Variants in THSD7A observed in about 807,000 individuals in gnomAD.
The protein encoded by THSD7A is thrombospondin type-1 domain-containing protein 7A.
Under a neutral mutation model 231.3 loss-of-function variants are expected in THSD7A, and 96 were observed. That is an observed-to-expected ratio of 0.41 (90% CI 0.35 to 0.49). The LOEUF (loss-of-function observed/expected upper bound fraction) is 0.49, where lower values mean the gene tolerates loss of function less well. Among genes scored for constraint, THSD7A ranks in the 20% least tolerant of loss-of-function variants. The pLI, the probability that THSD7A is intolerant of heterozygous loss-of-function variation, is 0.05. For synonymous variants in THSD7A, 940 were observed against 743.3 expected, an observed-to-expected ratio of 1.26 and a Z score of -4.30; for missense variants, 2,290 against 2,070.2, an observed-to-expected ratio of 1.11 and a Z score of -2.06.
intron 1 of THSD7A, among the ~76,000 whole-genome samples, chr7:11,748,776 A>G (rs536049447): frequency 6.6e-6 from 1 of 152,114 alleles, no homozygotes; most frequent in South Asian, 2.1e-4. Context: ...TATAAAATGA[A>G]ATAGGGCAAT....
At chr7:11,767,179 T>G (rs1405326) in intron 1 of THSD7A, among the ~76,000 whole-genome samples, 2 of 151,956 alleles carry the variant, frequency 1.3e-5, no homozygotes, top group South Asian at 2.1e-4. Flanking sequence ...TGTACATTCA[T>G]TGTTTTTTGG....
intron 23 of THSD7A, among the ~76,000 whole-genome samples, 187 bp downstream of exon 23, chr7:11,401,608 G>A (rs895960540): frequency 6.6e-6 from 1 of 151,972 alleles, no homozygotes. Flanking sequence ...TTTGGGTTTG[G>A]CCATGTTGGC....
intron 6 of THSD7A, among the ~76,000 whole-genome samples, chr7:11,521,384 C>T (rs1422915307): frequency 2.0e-5 from 3 of 151,930 alleles, no homozygotes; most frequent in Non-Finnish European, 1.5e-5. Context: ...TGCTAATTGG[C>T]CACTGTGATT....
At chr7:11,445,033 T>C (rs1433392983) in intron 13 of THSD7A, among the ~76,000 whole-genome samples, 11 of 151,572 alleles carry the variant, frequency 7.3e-5, no homozygotes, top group Non-Finnish European at 1.6e-4. Flanking sequence ...TACACTTTGA[T>C]AGTTTATAAA....
At chr7:11,472,982 A>T (rs1785998681) in intron 8 of THSD7A, among the ~76,000 whole-genome samples, 1 of 152,176 alleles carries the variant, frequency 6.6e-6, no homozygotes. Context: ...TTTGAATTTT[A>T]ATACACTGTA....
At chr7:11,567,334 C>A (rs1041744050) in intron 4 of THSD7A, among the ~76,000 whole-genome samples, 21 of 151,966 alleles carry the variant, frequency 1.4e-4, no homozygotes, top group African/African-American at 4.6e-4. Flanking sequence ...ACCATCAAAT[C>A]TCGTGAGAAC....
chr7:11,630,029 T>C (rs1342286678), intron 2 of THSD7A, among the ~76,000 whole-genome samples: 2 of 152,330 alleles, frequency 1.3e-5, no homozygotes, highest in African/African-American at 4.8e-5. Context: ...AGGTTTACTA[T>C]TCTTATTTAT....
At chr7:11,808,992 A>G (rs1023496059) in intron 1 of THSD7A, among the ~76,000 whole-genome samples, 51 of 152,162 alleles carry the variant, frequency 3.4e-4, no homozygotes, top group African/African-American at 1.1e-3. Flanking sequence ...TATTTTGTAA[A>G]ATAAGAAAAT....
Position 11,424,776 on chromosome 7 carries a change from T to A in THSD7A, c.3303A>T (p.Thr1101=). The change falls in exon 16 of 28, where the codon ACA becomes ACT. Residue 1101 remains threonine (T), a synonymous_variant. Coordinates refer to ENST00000423059, the MANE Select transcript of THSD7A (RefSeq NM_015204.3). ...HSDCNQYLWV[T]EPWSICKVTF... ...TCACCTTGCAGATGCTCCAGGGCTCTGTGACCCATAGGTACTGGTTGCAGT... is the reference window on the plus strand; with the variant it reads ...TCACCTTGCAGATGCTCCAGGGCTCAGTGACCCATAGGTACTGGTTGCAGT... 1.9e-6 allele frequency: 3 copies of A among 1,614,026 alleles called. No homozygotes were observed. Among genetic ancestry groups the A allele is most frequent in the Non-Finnish European group, 2.5e-6 (3 of 1,179,888 alleles).
At chr7:11,617,902 G>T (rs1036641598) in intron 2 of THSD7A, among the ~76,000 whole-genome samples, 2 of 151,986 alleles carry the variant, frequency 1.3e-5, no homozygotes, top group Admixed American at 6.6e-5. Flanking sequence ...CAAGTTAATG[G>T]GTGCAGCACA....
intron 1 of THSD7A, among the ~76,000 whole-genome samples, chr7:11,701,364 G>A (rs1450265396): frequency 1.3e-5 from 2 of 151,218 alleles, no homozygotes; most frequent in African/African-American, 4.8e-5. Flanking sequence ...TTTGAAGACT[G>A]AAGCTCTTTG....
intron 4 of THSD7A, among the ~76,000 whole-genome samples, chr7:11,588,873 T>C (rs941372363): frequency 6.6e-6 from 1 of 152,224 alleles, no homozygotes; most frequent in African/African-American, 2.4e-5. Flanking sequence ...TACTTCCTTA[T>C]AACCTCAAGA....
intron 1 of THSD7A, among the ~76,000 whole-genome samples, chr7:11,734,591 G>A (rs141487767): frequency 4.6e-5 from 7 of 151,864 alleles, no homozygotes; most frequent in East Asian, 1.9e-4. Context: ...CTGACATGTC[G>A]TATCTCGCTC....
intron 1 of THSD7A, among the ~76,000 whole-genome samples, chr7:11,753,839 A>G (rs1264034405): frequency 1.3e-5 from 2 of 151,964 alleles, no homozygotes; most frequent in Admixed American, 1.3e-4. Context: ...AATATTAAGA[A>G]AAAGAATTAT....
intron 4 of THSD7A, among the ~76,000 whole-genome samples, chr7:11,562,330 G>T (rs1441010062): frequency 6.6e-6 from 1 of 152,058 alleles, no homozygotes; most frequent in Non-Finnish European, 1.5e-5. Context: ...GTCTACTTCA[G>T]ACTAATTTGA....
intron 23 of THSD7A, among the ~76,000 whole-genome samples, chr7:11,399,988 A>T (rs1440689001): frequency 1.3e-5 from 2 of 152,146 alleles, no homozygotes; most frequent in Non-Finnish European, 2.9e-5. Flanking sequence ...GCCATAAAAA[A>T]GGATGAGTTC....
chr7:11,574,345 T>G (rs1401868361), intron 4 of THSD7A, among the ~76,000 whole-genome samples: 2 of 152,100 alleles, frequency 1.3e-5, no homozygotes, highest in African/African-American at 4.8e-5. Context: ...GCATTTAGAA[T>G]AATGCCTAAG....
chr7:11,796,451 T>G (rs2355094), intron 1 of THSD7A, among the ~76,000 whole-genome samples: 129,649 of 151,784 alleles, frequency 0.85, 55,805 homozygotes, highest in African/African-American at 0.96. Context: ...AATTGCAATT[T>G]CATCACACTT....
At chr7:11,439,264 AC>A (rs1026633953) in intron 13 of THSD7A, among the ~76,000 whole-genome samples, 1 of 151,998 alleles carries the variant, frequency 6.6e-6, no homozygotes, top group Admixed American at 6.6e-5. Flanking sequence ...TTACAGGTAT[AC>A]CTTATTTTAT....
Sources: gnomAD v4.1 joint callset for allele counts (sites outside exome capture counted in the v4.1 genomes callset) on GRCh38, gnomAD v4.1.1 for gene constraint, MANE v1.5 for transcripts, NCBI Gene and HGNC (gene_info 2026-07-23, HGNC 2026-07-21) for gene names.